The following BROX variants were observed in gnomAD, a reference collection of about 807,000 sequenced individuals.
BROX encodes BRO1 domain-containing protein BROX.
BROX carries 53 observed loss-of-function variants against 61.0 expected under a neutral mutation model. The observed-to-expected ratio is 0.87, with a 90% CI of 0.70 to 1.09. BROX has a LOEUF of 1.09. BROX is among the 50% of genes least tolerant of loss of function. BROX has a pLI of 0.00. For missense variants in BROX, 489 were observed against 472.0 expected, an observed-to-expected ratio of 1.04 and a Z score of -0.33; for synonymous variants, 152 against 160.2, an observed-to-expected ratio of 0.95 and a Z score of 0.38.
intron 6 of BROX, 127 bp from the exon 7 acceptor site, chr1:222,725,323 A>T: frequency 3.4e-6 from 2 of 589,444 alleles, no homozygotes; most frequent in Non-Finnish European, 6.0e-6. Context: ...GTTTTTGTTT[A>T]TACTCTGAAT....
At chr1:222,723,690 G>A (rs192199985) in intron 5 of BROX, among the ~76,000 whole-genome samples, 4 of 151,968 alleles carry the variant, frequency 2.6e-5, no homozygotes, top group Non-Finnish European at 5.9e-5. Context: ...TTTTGGTGGC[G>A]GGGGGATGGA....
intron 10 of BROX, 65 bp from the exon 11 acceptor site, chr1:222,729,962 C>A (rs1003053481): frequency 1.2e-5 from 18 of 1,485,956 alleles, no homozygotes; most frequent in African/African-American, 1.4e-5. Flanking sequence ...CAGTTTAAAG[C>A]CTTGTAGGGA....
At position 222,712,641 on chromosome 1, in the gene BROX, C is replaced by G. The variant is rs1240005951; in HGVS notation, c.-318C>G. 7.6e-7 allele frequency: 1 copy of G among 1,319,546 alleles called. No homozygotes were observed. The highest frequency in any genetic ancestry group is 9.9e-7 in the Non-Finnish European group (1 of 1,007,852). 81.7% of individuals were successfully genotyped at this position (1,319,546 alleles called of 1,614,324 possible). On this transcript the variant is annotated 5_prime_UTR_variant, in exon 1 of 13. Transcript: ENST00000340934. ...GTAGGGGCAACTCTTCTCTTCCTGT[C>G]TGGGAAAAAGACCATAGCTCAAAAG... is the stretch of plus-strand genomic sequence containing the variant.
At chr1:222,715,534 C>A in intron 1 of BROX, 150 bp from the exon 2 acceptor site, 1 of 339,982 alleles carries the variant, frequency 2.9e-6, no homozygotes, top group Admixed American at 4.8e-5. Context: ...ATGGTGAAAC[C>A]CCGTCTCTAC....
At position 222,735,180 on chromosome 1, in the gene BROX, A is replaced by G. The variant is rs1464710666; in HGVS notation, c.*2466A>G. The G allele has an allele frequency of 6.6e-6, 1 of 152,234 alleles. No individual in the cohort carries two copies. The highest frequency in any genetic ancestry group is 1.5e-5 in the Non-Finnish European group (1 of 68,036). 9.4% of individuals were successfully genotyped at this position (152,234 alleles called of 1,614,324 possible). On this transcript the variant is annotated 3_prime_UTR_variant, in exon 13 of 13. Coordinates refer to ENST00000340934, the MANE Select transcript of BROX (RefSeq NM_144695.4). ...TATTTATGAAAATAAAAGTAATTTT[A>G]CTTACAATTTCATTGAGATCTTTTG...
intron 2 of BROX, 51 bp downstream of exon 2, chr1:222,715,851 C>A: frequency 1.8e-6 from 2 of 1,088,316 alleles, no homozygotes; most frequent in Non-Finnish European, 2.7e-6. Flanking sequence ...TTTTTTGGTT[C>A]CATGGCAATA....
intron 4 of BROX, among the ~76,000 whole-genome samples, chr1:222,721,557 TAAATG>T (rs1179333850): frequency 6.6e-6 from 1 of 152,156 alleles, no homozygotes. Context: ...TCAGTTGAGA[TAAATG>T]AGATCATGTG....
At chr1:222,718,338 A>C (rs1656793646) in intron 2 of BROX, among the ~76,000 whole-genome samples, 1 of 152,168 alleles carries the variant, frequency 6.6e-6, no homozygotes, top group Admixed American at 6.5e-5. Context: ...TTTTAAAACA[A>C]CTGATGGCCA....
chr1:222,720,762 G>A (rs529281841), intron 4 of BROX, among the ~76,000 whole-genome samples: 3 of 152,016 alleles, frequency 2.0e-5, no homozygotes, highest in South Asian at 4.2e-4. Context: ...GCAGTGAGCT[G>A]AGATGAAGCC....
At chr1:222,731,218 C>A in intron 11 of BROX, 139 bp from the exon 12 acceptor site, 1 of 689,022 alleles carries the variant, frequency 1.5e-6, no homozygotes, top group Non-Finnish European at 2.2e-6. Flanking sequence ...AGTTTCTTGA[C>A]TTTTTCACTT....
rs779543560 is a variant in BROX at position 222,724,124 on chromosome 1, G to C, written c.434G>C (p.Arg145Pro). The change falls in exon 6 of 13, where the codon CGA becomes CCA. Residue 145 changes from arginine to proline, a missense_variant. By Grantham distance (103) the Arg-to-Pro change is moderately radical. Coordinates refer to ENST00000340934, the MANE Select transcript of BROX (RefSeq NM_144695.4). ...GAAGATGAAGCAAAAGAAGTTCATC[G>C]AAGCCTAAAGATTGCAGCTGGGATT... ...ITEDEAKEVH[R>P]SLKIAAGIFK... 2.5e-6 allele frequency: 4 copies of C among 1,611,400 alleles called. No homozygotes were observed. Among genetic ancestry groups the C allele is most frequent in the Admixed American group, 1.7e-5 (1 of 59,516 alleles).
At chr1:222,729,925 A>G in intron 10 of BROX, 102 bp from the exon 11 acceptor site, 1 of 1,128,584 alleles carries the variant, frequency 8.9e-7, no homozygotes, top group African/African-American at 1.6e-5. Flanking sequence ...TATATTAGGT[A>G]AAGAGCAGTA....
At position 222,734,588 on chromosome 1, in the gene BROX, C is replaced by T. The variant is rs1658166661; in HGVS notation, c.*1874C>T. ...CAGAATAAGTGGAGTAATAACTAAA[C>T]AGACATTTAATTTTATTTCAATATC... On this transcript the variant is annotated 3_prime_UTR_variant, in exon 13 of 13. Coordinates refer to ENST00000340934, the MANE Select transcript of BROX (RefSeq NM_144695.4). 1 of 152,050 alleles carries T rather than the reference C, an allele frequency of 6.6e-6. No individual in the cohort carries two copies. Among genetic ancestry groups the T allele is most frequent in the Non-Finnish European group, 1.5e-5 (1 of 67,994 alleles). The allele number at this position is 152,050 out of a possible 1,614,324, so 9.4% of individuals were successfully genotyped here. A position where few individuals can be genotyped will look rare whatever the true frequency, so the allele number is the denominator to read the frequency against.
intron 1 of BROX, chr1:222,713,437 G>C (rs1656236176): frequency 1.0e-6 from 1 of 985,364 alleles, no homozygotes; most frequent in Admixed American, 6.2e-5. Flanking sequence ...CTGGGGACTC[G>C]GGGCTTCCGG....
rs3762305 is a variant in BROX, at chr1:222,729,771, T to C, written c.838+70T>C. ...TGACTTTATCATAAAAGGGAATATA[T>C]GCTTAAAGAGATTTTGGCTGAGTTC... is the stretch of plus-strand genomic sequence containing the variant. On this transcript the variant is annotated intron_variant, in intron 10 of 12. Coordinates refer to ENST00000340934, the MANE Select transcript of BROX (RefSeq NM_144695.4). 9.4e-4 allele frequency: 1,346 copies of C among 1,435,624 alleles called. 14 individuals carry two copies. In the East Asian group the frequency reaches 0.019, roughly 20 times the overall value. 88.9% of individuals were successfully genotyped at this position (1,435,624 alleles called of 1,614,324 possible). A position where few individuals can be genotyped will look rare whatever the true frequency, so the allele number is the denominator to read the frequency against.
At chr1:222,716,409 A>G (rs544079239) in intron 2 of BROX, among the ~76,000 whole-genome samples, 8 of 152,304 alleles carry the variant, frequency 5.3e-5, no homozygotes, top group African/African-American at 1.9e-4. Context: ...CTATAGGGAC[A>G]TTTTAAATTG....
intron 7 of BROX, among the ~76,000 whole-genome samples, chr1:222,726,214 C>T (rs146272873): frequency 6.6e-6 from 1 of 152,312 alleles, no homozygotes; most frequent in Non-Finnish European, 1.5e-5. Flanking sequence ...TGACACTCAA[C>T]GTGAAACAAT....
intron 8 of BROX, among the ~76,000 whole-genome samples, chr1:222,727,572 C>A (rs1657602829): frequency 6.6e-6 from 1 of 152,026 alleles, no homozygotes; most frequent in Non-Finnish European, 1.5e-5. Flanking sequence ...TTAACATGAC[C>A]CATAATTCAA....
chr1:222,723,694 G>A (rs1173663194), intron 5 of BROX, among the ~76,000 whole-genome samples: 2 of 152,058 alleles, frequency 1.3e-5, no homozygotes, highest in Non-Finnish European at 2.9e-5. Flanking sequence ...GGTGGCGGGG[G>A]GATGGAGTGC....
Sources: allele counts gnomAD v4.1 joint callset (sites outside exome capture counted in the v4.1 genomes callset), GRCh38; gene constraint gnomAD v4.1.1; transcripts MANE v1.5; gene names NCBI Gene and HGNC (gene_info 2026-07-23, HGNC 2026-07-21).